The following KCND2 variants were observed in gnomAD, a reference collection of about 807,000 sequenced individuals.
The protein encoded by KCND2 is potassium voltage-gated channel subfamily D member 2, also known as A-type voltage-gated potassium channel KCND2.
Under a neutral mutation model 54.4 loss-of-function variants are expected in KCND2, and 16 were observed. The observed-to-expected ratio is 0.29, with a 90% CI of 0.20 to 0.45. The LOEUF is 0.45. KCND2 is among the 20% of genes least tolerant of loss of function. The pLI, the probability that KCND2 is intolerant of heterozygous loss-of-function variation, is 1.00. For synonymous variants in KCND2, 317 were observed against 310.7 expected, an observed-to-expected ratio of 1.02 and a Z score of -0.21; for missense variants, 486 against 824.2, an observed-to-expected ratio of 0.59 and a Z score of 5.02.
chr7:120,479,885 T>G (rs1469419556), intron 1 of KCND2, among the ~76,000 whole-genome samples: 2 of 147,450 alleles, frequency 1.4e-5, no homozygotes, highest in Admixed American at 1.4e-4. Context: ...AAGAATCACT[T>G]GAACCTAGGA....
chr7:120,731,126 A>G (rs767011797), intron 1 of KCND2, among the ~76,000 whole-genome samples: 1 of 152,226 alleles, frequency 6.6e-6, no homozygotes, highest in Admixed American at 6.5e-5. Flanking sequence ...CTCCATCAGT[A>G]AAGAAGAGAA....
At chr7:120,435,964 A>C (rs1801860644) in intron 1 of KCND2, among the ~76,000 whole-genome samples, 1 of 152,208 alleles carries the variant, frequency 6.6e-6, no homozygotes, top group South Asian at 2.1e-4. Context: ...TAATCAGATG[A>C]AAATGTCAAG....
intron 1 of KCND2, among the ~76,000 whole-genome samples, chr7:120,539,580 C>T (rs1203621824): frequency 2.0e-5 from 3 of 152,138 alleles, no homozygotes; most frequent in Non-Finnish European, 2.9e-5. Flanking sequence ...ATTTCACAAA[C>T]TGGAACCCAT....
intron 1 of KCND2, among the ~76,000 whole-genome samples, chr7:120,285,399 A>T (rs749936413): frequency 2.7e-5 from 4 of 150,356 alleles, no homozygotes; most frequent in Non-Finnish European, 5.9e-5. Context: ...ATCTGAATAT[A>T]CAATCAAGAA....
intron 1 of KCND2, among the ~76,000 whole-genome samples, chr7:120,691,958 A>AT (rs1479485190): frequency 6.6e-6 from 1 of 152,200 alleles, no homozygotes; most frequent in African/African-American, 2.4e-5. Context: ...GCTGTGTCAA[A>AT]TTCTGGGTCA....
intron 1 of KCND2, among the ~76,000 whole-genome samples, chr7:120,546,429 A>G (rs964798666): frequency 4.6e-5 from 7 of 151,916 alleles, no homozygotes; most frequent in African/African-American, 1.4e-4. Flanking sequence ...TCATGGCCCT[A>G]TCAATAACCT....
At chr7:120,279,762 T>A (rs1799235831) in intron 1 of KCND2, among the ~76,000 whole-genome samples, 1 of 151,902 alleles carries the variant, frequency 6.6e-6, no homozygotes, top group African/African-American at 2.4e-5. Flanking sequence ...AATTCCTTTT[T>A]TAGAATGGCA....
Position 120,275,485 on chromosome 7 carries a change from G to A in KCND2, c.853G>A (p.Val285Ile), listed in dbSNP as rs1464901287. ...GCTGGTGATGACAGACAATGAGGAC[G>A]TCAGCGGAGCCTTTGTCACACTCCG... ...IGLVMTDNED[V>I]SGAFVTLRVF... Residue 285 changes from valine to isoleucine, a missense_variant, in exon 1 of 6, where the codon GTC becomes ATC. Transcript: ENST00000331113. 1 of 1,613,040 alleles carries A rather than the reference G, an allele frequency of 6.2e-7. No homozygotes were observed. Among genetic ancestry groups the A allele is most frequent in the Non-Finnish European group, 8.5e-7 (1 of 1,179,442 alleles).
At chr7:120,441,317 A>G (rs1447672394) in intron 1 of KCND2, among the ~76,000 whole-genome samples, 1 of 152,110 alleles carries the variant, frequency 6.6e-6, no homozygotes. Flanking sequence ...TTGAATTAGT[A>G]TGAAATTTTT....
chr7:120,494,811 G>A (rs1199342495), intron 1 of KCND2, among the ~76,000 whole-genome samples: 1 of 151,902 alleles, frequency 6.6e-6, no homozygotes, highest in Non-Finnish European at 1.5e-5. Flanking sequence ...GCATTTTAAA[G>A]TAGATAACAT....
intron 1 of KCND2, among the ~76,000 whole-genome samples, chr7:120,287,269 C>T (rs1307453943): frequency 1.3e-5 from 2 of 151,982 alleles, no homozygotes; most frequent in African/African-American, 4.8e-5. Flanking sequence ...TATCAAAATA[C>T]ATAACTCCCA....
intron 1 of KCND2, among the ~76,000 whole-genome samples, chr7:120,556,261 G>A (rs1437514755): frequency 6.6e-6 from 1 of 152,182 alleles, no homozygotes; most frequent in Non-Finnish European, 1.5e-5. Context: ...CCCCTGGTGA[G>A]CCAAAGAGAA....
At chr7:120,420,383 G>C (rs888662881) in intron 1 of KCND2, among the ~76,000 whole-genome samples, 1 of 152,190 alleles carries the variant, frequency 6.6e-6, no homozygotes, top group Non-Finnish European at 1.5e-5. Context: ...GCAGTGCCTG[G>C]TAGGGTGGAG....
At chr7:120,465,499 A>G (rs978886694) in intron 1 of KCND2, among the ~76,000 whole-genome samples, 1 of 152,062 alleles carries the variant, frequency 6.6e-6, no homozygotes, top group Non-Finnish European at 1.5e-5. Flanking sequence ...CAATAAATGG[A>G]CCATGAAAAA....
At chr7:120,434,621 G>A (rs1378925498) in intron 1 of KCND2, among the ~76,000 whole-genome samples, 2 of 152,166 alleles carry the variant, frequency 1.3e-5, no homozygotes, top group Admixed American at 6.5e-5. Context: ...GCAGTGAAAC[G>A]TAGTGGCAAC....
At chr7:120,635,301 G>T (rs1039666921) in intron 1 of KCND2, among the ~76,000 whole-genome samples, 1 of 152,192 alleles carries the variant, frequency 6.6e-6, no homozygotes, top group Non-Finnish European at 1.5e-5. Context: ...GCATTCAGTT[G>T]TCTGGGATAG....
At chr7:120,509,240 A>C (rs966029894) in intron 1 of KCND2, among the ~76,000 whole-genome samples, 14 of 152,014 alleles carry the variant, frequency 9.2e-5, no homozygotes, top group Admixed American at 7.9e-4. Context: ...AAATAATATT[A>C]GGTAAAAAAC....
At chr7:120,581,505 A>C (rs1042742501) in intron 1 of KCND2, among the ~76,000 whole-genome samples, 16 of 152,216 alleles carry the variant, frequency 1.1e-4, no homozygotes, top group African/African-American at 3.6e-4. Context: ...TCCTAATTAG[A>C]TAGTAAAAGA....
At chr7:120,426,566 G>A (rs187550383) in intron 1 of KCND2, among the ~76,000 whole-genome samples, 7 of 147,018 alleles carry the variant, frequency 4.8e-5, no homozygotes, top group Non-Finnish European at 7.5e-5. Flanking sequence ...GCCGATGTAC[G>A]TTTTTTGTGG....
Sources: gnomAD v4.1 joint callset for allele counts (sites outside exome capture counted in the v4.1 genomes callset) on GRCh38, gnomAD v4.1.1 for gene constraint, MANE v1.5 for transcripts, NCBI Gene and HGNC (gene_info 2026-07-23, HGNC 2026-07-21) for gene names.